SNX29: variants seen among roughly 807,000 people sequenced by gnomAD.
The protein encoded by SNX29 is sorting nexin 29, also known as sorting nexin-29.
In SNX29, 78 loss-of-function variants were observed where a neutral mutation model predicts 102.1. The ratio of observed to expected loss-of-function variants is 0.76; its 90% confidence interval spans 0.64 to 0.92. The LOEUF is 0.92. Ranked by LOEUF, SNX29 falls within the 40% of genes least tolerant of loss-of-function variation. The pLI is 0.00. For synonymous variants in SNX29, 580 were observed against 414.5 expected, an observed-to-expected ratio of 1.40 and a Z score of -4.85; for missense variants, 1,280 against 1,061.7, an observed-to-expected ratio of 1.21 and a Z score of -2.86.
chr16:12,499,824 C>G (rs537977302), intron 19 of SNX29, among the ~76,000 whole-genome samples: 1 of 152,190 alleles, frequency 6.6e-6, no homozygotes, highest in South Asian at 2.1e-4. Flanking sequence ...CACAGTTACG[C>G]ACAACCATGC....
At chr16:11,985,426 T>A (rs2055576680) in intron 1 of SNX29, among the ~76,000 whole-genome samples, 1 of 152,190 alleles carries the variant, frequency 6.6e-6, no homozygotes, top group East Asian at 1.9e-4. Flanking sequence ...ATATGGTGTC[T>A]TGTAATGGAA....
At chr16:12,552,207 G>A (rs999715713) in intron 20 of SNX29, among the ~76,000 whole-genome samples, 18 of 152,122 alleles carry the variant, frequency 1.2e-4, no homozygotes, top group African/African-American at 3.9e-4. Context: ...GGCAGGGGAG[G>A]GCCGTGGAGT....
chr16:12,481,554 A>ACACACACCCC (rs1555549559), intron 19 of SNX29, among the ~76,000 whole-genome samples: 1 of 117,670 alleles, frequency 8.5e-6, no homozygotes. Flanking sequence ...ACACACACAC[A>ACACACACCCC]CCCCAAATGT....
intron 5 of SNX29, among the ~76,000 whole-genome samples, chr16:12,043,751 GTTGT>G (rs897698047): frequency 7.3e-5 from 11 of 150,930 alleles, no homozygotes; most frequent in African/African-American, 2.4e-4. Flanking sequence ...TTTTTTTGTT[GTTGT>G]TTGTTTGTTT....
At chr16:12,039,657 G>A (rs1300458887) in intron 4 of SNX29, among the ~76,000 whole-genome samples, 1 of 152,220 alleles carries the variant, frequency 6.6e-6, no homozygotes, top group East Asian at 1.9e-4. Context: ...TAGATTGGAA[G>A]CCAGGTCTGA....
intron 18 of SNX29, among the ~76,000 whole-genome samples, chr16:12,433,160 A>G (rs994165636): frequency 6.6e-6 from 1 of 152,218 alleles, no homozygotes; most frequent in Non-Finnish European, 1.5e-5. Flanking sequence ...ACCACGAGTC[A>G]TTACATTTGT....
At chr16:12,416,365 G>C (rs1384051546) in intron 18 of SNX29, among the ~76,000 whole-genome samples, 1 of 152,200 alleles carries the variant, frequency 6.6e-6, no homozygotes, top group African/African-American at 2.4e-5. Context: ...TTGCGCAGCA[G>C]GGTGACTATG....
chr16:12,000,892 C>G (rs940713290), intron 2 of SNX29, among the ~76,000 whole-genome samples: 1 of 152,106 alleles, frequency 6.6e-6, no homozygotes, highest in Non-Finnish European at 1.5e-5. Flanking sequence ...GTAACTGGGT[C>G]ACTTATCTGT....
At chr16:12,330,096 A>T (rs2081250859) in intron 15 of SNX29, among the ~76,000 whole-genome samples, 1 of 152,172 alleles carries the variant, frequency 6.6e-6, no homozygotes, top group Non-Finnish European at 1.5e-5. Context: ...AGAATTAAAT[A>T]ATTTACAGCT....
At chr16:12,079,008 T>G (rs75337330) in intron 11 of SNX29, 93 bp downstream of exon 11, 69 of 1,108,410 alleles carry the variant, frequency 6.2e-5, no homozygotes, top group Middle Eastern at 2.8e-4. Flanking sequence ...CCTGTGACTG[T>G]GGGTTCACGT....
intron 20 of SNX29, among the ~76,000 whole-genome samples, chr16:12,561,711 G>A (rs529695178): frequency 3.3e-5 from 5 of 152,206 alleles, no homozygotes; most frequent in African/African-American, 7.2e-5. Flanking sequence ...CCCCAGTGCT[G>A]TGTTAAGTTG....
Position 12,533,827 on chromosome 16 carries a change from A to C in SNX29, c.2318+8986A>C, listed in dbSNP as rs372361423. Among the ~76,000 whole-genome samples the C allele has an allele frequency of 6.6e-5, 10 of 152,306 alleles. 1 individual carries two copies. In the East Asian group the frequency reaches 1.7e-3, roughly 26 times the overall value. On this transcript the variant is annotated intron_variant, in intron 20 of 20. Transcript: ENST00000566228. ...CATCAAAAGGGATCAGCCACTCCTC[A>C]CCAGGCTGATTCCTGTTATATAGGA...
intron 20 of SNX29, among the ~76,000 whole-genome samples, chr16:12,554,637 C>T (rs1331390446): frequency 2.0e-5 from 3 of 152,194 alleles, no homozygotes; most frequent in Admixed American, 6.5e-5. Flanking sequence ...TCAGTTTCCC[C>T]AGGTTTCACC....
intron 15 of SNX29, among the ~76,000 whole-genome samples, chr16:12,327,879 G>A (rs2081169086): frequency 6.6e-6 from 1 of 152,144 alleles, no homozygotes; most frequent in Non-Finnish European, 1.5e-5. Flanking sequence ...TGAGGGCCAG[G>A]TGGACAGGGC....
intron 15 of SNX29, among the ~76,000 whole-genome samples, chr16:12,301,094 G>A (rs1309370673): frequency 1.3e-5 from 2 of 152,102 alleles, no homozygotes; most frequent in African/African-American, 4.8e-5. Context: ...TAAACAGCCT[G>A]AGTCATCCTT....
At chr16:12,551,042 A>G (rs1413538569) in intron 20 of SNX29, among the ~76,000 whole-genome samples, 1 of 152,178 alleles carries the variant, frequency 6.6e-6, no homozygotes. Flanking sequence ...ACAAGGTGTC[A>G]TCCAGATGAA....
Position 12,571,456 on chromosome 16 carries a change from G to A in SNX29, c.*2827G>A, listed in dbSNP as rs1251066418. On this transcript the variant is annotated 3_prime_UTR_variant, in exon 21 of 21. Coordinates refer to ENST00000566228, the MANE Select transcript of SNX29 (RefSeq NM_032167.5). ...TCGGAGATTTTCAAACAACATCTGA[G>A]AACAGAAGCCCCCTCCCCTACTCAG... 8.2e-6 allele frequency: 2 copies of A among 244,086 alleles called. No individual in the cohort carries two copies. Among genetic ancestry groups the A allele is most frequent in the Non-Finnish European group, 1.6e-5 (2 of 128,578 alleles). 15.1% of individuals were successfully genotyped at this position (244,086 alleles called of 1,614,324 possible).
At chr16:12,052,260 A>G (rs192470736) in intron 8 of SNX29, 38 bp downstream of exon 8, 6 of 1,610,422 alleles carry the variant, frequency 3.7e-6, no homozygotes, top group Middle Eastern at 1.7e-4. Flanking sequence ...ACCGTCCCCC[A>G]GGCTGGAGTG....
intron 18 of SNX29, among the ~76,000 whole-genome samples, chr16:12,421,575 C>A (rs1317756243): frequency 6.6e-6 from 1 of 152,216 alleles, no homozygotes; most frequent in Non-Finnish European, 1.5e-5. Context: ...ATTTTCCTAT[C>A]AGAGTGCTGT....
Sources: allele counts gnomAD v4.1 joint callset (sites outside exome capture counted in the v4.1 genomes callset), GRCh38; gene constraint gnomAD v4.1.1; transcripts MANE v1.5; gene names NCBI Gene and HGNC (gene_info 2026-07-23, HGNC 2026-07-21).